Variants in PCDHA5 observed in about 807,000 individuals in gnomAD.
The protein encoded by PCDHA5 is protocadherin alpha-5.
Under a neutral mutation model 61.6 loss-of-function variants are expected in PCDHA5, and 43 were observed. The observed-to-expected ratio is 0.70, with a 90% CI of 0.55 to 0.90. PCDHA5 has a LOEUF of 0.90. Among genes scored for constraint, PCDHA5 ranks in the 40% least tolerant of loss-of-function variants. The pLI, the probability that PCDHA5 is intolerant of heterozygous loss-of-function variation, is 0.00. For synonymous variants in PCDHA5, 627 were observed against 543.9 expected, an observed-to-expected ratio of 1.15 and a Z score of -2.13; for missense variants, 1,298 against 1,222.7, an observed-to-expected ratio of 1.06 and a Z score of -0.92.
chr5:140,895,070 C>G (rs2064827781), intron 1 of PCDHA5, among the ~76,000 whole-genome samples: 1 of 152,106 alleles, frequency 6.6e-6, no homozygotes, highest in African/African-American at 2.4e-5. Context: ...GACTCAATTC[C>G]TATCAGTTCC....
chr5:140,981,948 G>T (rs544785800), intron 2 of PCDHA5, among the ~76,000 whole-genome samples: 26 of 152,230 alleles, frequency 1.7e-4, no homozygotes, highest in African/African-American at 6.0e-4. Context: ...TATAGGGTGG[G>T]TCATCTATGC....
At chr5:140,882,535 G>A (rs2059175245) in intron 1 of PCDHA5, 4 of 1,614,232 alleles carry the variant, frequency 2.5e-6, no homozygotes, top group East Asian at 2.2e-5. Flanking sequence ...TGAATTCTCG[G>A]ATCGACCGCG....
At chr5:140,918,042 A>C (rs1363704503) in intron 1 of PCDHA5, among the ~76,000 whole-genome samples, 1 of 152,088 alleles carries the variant, frequency 6.6e-6, no homozygotes, top group African/African-American at 2.4e-5. Flanking sequence ...AGGTCTTTCC[A>C]TTTGTTTTAT....
intron 1 of PCDHA5, chr5:140,865,095 C>T (rs1163378400): frequency 2.0e-5 from 3 of 152,198 alleles, no homozygotes; most frequent in African/African-American, 7.2e-5. Context: ...TTAATAAAGG[C>T]ACTTCCACTT....
intron 1 of PCDHA5, chr5:140,830,297 A>G (rs1359749137): frequency 6.2e-7 from 1 of 1,613,732 alleles, no homozygotes; most frequent in East Asian, 2.2e-5. Context: ...CACGGCGGAC[A>G]AGCCCACGCT....
chr5:140,960,541 C>T (rs1200507322), intron 1 of PCDHA5, among the ~76,000 whole-genome samples: 1 of 151,924 alleles, frequency 6.6e-6, no homozygotes, highest in Non-Finnish European at 1.5e-5. Context: ...GAAACTGTGG[C>T]CTTCATATAG....
chr5:140,885,207 T>C (rs1405388039), intron 1 of PCDHA5, among the ~76,000 whole-genome samples: 1 of 152,140 alleles, frequency 6.6e-6, no homozygotes, highest in Admixed American at 6.5e-5. Context: ...ATATATCCCA[T>C]GAAAAATATC....
chr5:140,834,611 G>A, intron 1 of PCDHA5: 1 of 1,614,162 alleles, frequency 6.2e-7, no homozygotes, highest in Non-Finnish European at 8.5e-7. Context: ...ATCTTCTGGA[G>A]GTAAATCTGC....
At chr5:140,921,961 C>T (rs528457864) in intron 1 of PCDHA5, among the ~76,000 whole-genome samples, 88 of 151,252 alleles carry the variant, frequency 5.8e-4, no homozygotes, top group Non-Finnish European at 9.1e-4. Context: ...TCCCAGAAAA[C>T]CAAAGGAAAA....
intron 1 of PCDHA5, chr5:140,835,444 C>T (rs1773641752): frequency 6.2e-7 from 1 of 1,613,922 alleles, no homozygotes; most frequent in Non-Finnish European, 8.5e-7. Context: ...ACTCTCACTT[C>T]CCTGTCTCTC....
At chr5:140,836,499 G>C in intron 1 of PCDHA5, 1 of 1,613,878 alleles carries the variant, frequency 6.2e-7, no homozygotes, top group Non-Finnish European at 8.5e-7. Context: ...CGCCATCTGC[G>C]CGGTGTCCAG....
chr5:140,929,058 A>G (rs372120484), intron 1 of PCDHA5: 2 of 1,614,072 alleles, frequency 1.2e-6, no homozygotes, highest in African/African-American at 2.7e-5. Context: ...GTCGCTCTAC[A>G]GAGGATCTGA....
intron 1 of PCDHA5, 163 bp from the exon 2 acceptor site, chr5:140,978,786 G>C (rs2096822943): frequency 1.4e-5 from 14 of 972,674 alleles, no homozygotes; most frequent in Non-Finnish European, 1.3e-5. Context: ...CTTCTAAAGT[G>C]CTATATATGT....
chr5:140,920,955 C>A (rs2079947807), intron 1 of PCDHA5, among the ~76,000 whole-genome samples: 1 of 151,668 alleles, frequency 6.6e-6, no homozygotes, highest in Admixed American at 6.6e-5. Context: ...AAACACTACA[C>A]ATGTAGTACT....
intron 1 of PCDHA5, among the ~76,000 whole-genome samples, chr5:140,914,132 T>G (rs1554196213): frequency 6.6e-6 from 1 of 152,152 alleles, no homozygotes; most frequent in Non-Finnish European, 1.5e-5. Context: ...CTTTGTTGAG[T>G]TTTTGTCTGT....
intron 1 of PCDHA5, among the ~76,000 whole-genome samples, chr5:140,886,185 G>A (rs2060887176): frequency 6.6e-6 from 1 of 152,072 alleles, no homozygotes; most frequent in African/African-American, 2.4e-5. Context: ...CCTAATGCTG[G>A]CAAGCAGTAA....
chr5:140,868,957 A>G (rs2050760003), intron 1 of PCDHA5: 2 of 1,389,232 alleles, frequency 1.4e-6, no homozygotes, highest in East Asian at 2.3e-5. Context: ...AGGCACTCCC[A>G]TACAAAGGAA....
intron 3 of PCDHA5, among the ~76,000 whole-genome samples, chr5:140,985,773 T>C (rs945442566): frequency 7.2e-6 from 1 of 138,872 alleles, no homozygotes; most frequent in South Asian, 2.4e-4. Context: ...ACAGTCTCGC[T>C]CTGTCGCCCA....
At chr5:140,835,595 C>G (rs1241128064) in intron 1 of PCDHA5, 25 of 1,613,818 alleles carry the variant, frequency 1.5e-5, no homozygotes, top group Admixed American at 5.0e-5. Context: ...TCAAGAATTA[C>G]TATTCATTGG....
Sources: allele counts gnomAD v4.1 joint callset (sites outside exome capture counted in the v4.1 genomes callset), GRCh38; gene constraint gnomAD v4.1.1; transcripts MANE v1.5; gene names NCBI Gene and HGNC (gene_info 2026-07-23, HGNC 2026-07-21).